Variants in GUCY1A2 observed in about 807,000 individuals in gnomAD.
GUCY1A2 encodes the protein guanylate cyclase 1 soluble subunit alpha 2.
GUCY1A2 carries 27 observed loss-of-function variants against 63.5 expected under a neutral mutation model. The observed-to-expected ratio is 0.43, with a 90% CI of 0.31 to 0.59. The LOEUF (loss-of-function observed/expected upper bound fraction) is 0.59. GUCY1A2 is among the 20% of genes least tolerant of loss of function. The pLI, the probability that GUCY1A2 is intolerant of heterozygous loss-of-function variation, is 0.11. For synonymous variants in GUCY1A2, 364 were observed against 343.5 expected (o/e 1.06, Z -0.66); for missense variants, 768 against 913.3 (o/e 0.84, Z 2.05).
intron 4 of GUCY1A2, among the ~76,000 whole-genome samples, chr11:106,894,865 A>G (rs1860024411): frequency 6.6e-6 from 1 of 152,124 alleles, no homozygotes; most frequent in African/African-American, 2.4e-5. Flanking sequence ...AGAAGAAAAA[A>G]TTAAATCCAA....
Position 107,003,286 on chromosome 11 carries a change from T to C in GUCY1A2, c.303+14467A>G, listed in dbSNP as rs146934759. Among the ~76,000 whole-genome samples, 142 of 152,286 alleles carry C rather than the reference T, an allele frequency of 9.3e-4. No homozygotes were observed. The Middle Eastern group carries it at 0.017, about 18-fold the overall frequency. On this transcript the variant is annotated intron_variant, in intron 1 of 7. Coordinates refer to ENST00000526355, the MANE Select transcript of GUCY1A2 (RefSeq NM_000855.3). The stretch of plus-strand genomic sequence containing the variant: ...AGGCCACTAGCAACCTCAATCATAC[T>C]GGATTTGAAAAGACCATCCTTAAAT...
intron 6 of GUCY1A2, among the ~76,000 whole-genome samples, chr11:106,771,955 C>G (rs528880944): frequency 6.6e-6 from 1 of 152,132 alleles, no homozygotes; most frequent in African/African-American, 2.4e-5. Flanking sequence ...TATAGATAGA[C>G]CATATTTATG....
intron 6 of GUCY1A2, among the ~76,000 whole-genome samples, chr11:106,748,214 G>C (rs1159765190): frequency 1.3e-5 from 2 of 152,126 alleles, no homozygotes; most frequent in African/African-American, 2.4e-5. Context: ...TATGATAATA[G>C]AGCTATCCTC....
At chr11:106,880,487 G>T (rs982297105) in intron 4 of GUCY1A2, among the ~76,000 whole-genome samples, 11 of 152,106 alleles carry the variant, frequency 7.2e-5, no homozygotes, top group African/African-American at 2.6e-4. Flanking sequence ...CTGGATCCAA[G>T]TTTCTCCTTT....
intron 4 of GUCY1A2, among the ~76,000 whole-genome samples, chr11:106,893,346 CA>C (rs1251797243): frequency 6.6e-6 from 1 of 151,384 alleles, no homozygotes; most frequent in Middle Eastern, 3.2e-3. Flanking sequence ...TCAAAATGTA[CA>C]AAATTTCATG....
chr11:106,857,887 A>G (rs1169137219), intron 4 of GUCY1A2, among the ~76,000 whole-genome samples: 2 of 152,234 alleles, frequency 1.3e-5, no homozygotes, highest in Non-Finnish European at 2.9e-5. Context: ...ATACCATTTT[A>G]TATCAGGAAC....
At chr11:106,864,258 C>T (rs7128457) in intron 4 of GUCY1A2, among the ~76,000 whole-genome samples, 134,918 of 151,892 alleles carry the variant, frequency 0.89, 60,010 homozygotes, top group East Asian at 1. Flanking sequence ...CTTGAATTCT[C>T]TCTACCCAGG....
At chr11:107,009,732 C>A (rs560648912) in intron 1 of GUCY1A2, among the ~76,000 whole-genome samples, 1 of 152,292 alleles carries the variant, frequency 6.6e-6, no homozygotes, top group Admixed American at 6.5e-5. Flanking sequence ...AATTCACCAC[C>A]TTTATCCCTA....
chr11:106,694,252 T>C (rs1302880471), intron 7 of GUCY1A2, among the ~76,000 whole-genome samples: 2 of 152,308 alleles, frequency 1.3e-5, no homozygotes, highest in Middle Eastern at 6.8e-3. Flanking sequence ...TATTTAATCC[T>C]CCCATATTTA....
intron 1 of GUCY1A2, among the ~76,000 whole-genome samples, chr11:106,991,717 T>A (rs1861472604): frequency 6.6e-6 from 1 of 152,230 alleles, no homozygotes; most frequent in African/African-American, 2.4e-5. Flanking sequence ...TAATGGCTTA[T>A]AATCAAATAT....
chr11:106,920,579 T>A (rs577958479), intron 4 of GUCY1A2, among the ~76,000 whole-genome samples: 15 of 152,104 alleles, frequency 9.9e-5, no homozygotes, highest in African/African-American at 2.4e-5. Flanking sequence ...TAAAAGAAAC[T>A]GAACCATGTT....
At chr11:106,976,022 G>C (rs536330643) in intron 3 of GUCY1A2, among the ~76,000 whole-genome samples, 1 of 152,250 alleles carries the variant, frequency 6.6e-6, no homozygotes, top group African/African-American at 2.4e-5. Flanking sequence ...TTGCTACTAT[G>C]ATCATATCTT....
chr11:106,731,559 AAAAAGGCATCC>A (rs560735984), intron 6 of GUCY1A2, among the ~76,000 whole-genome samples: 99 of 152,156 alleles, frequency 6.5e-4, no homozygotes, highest in Non-Finnish European at 1.8e-4. Flanking sequence ...GAGAAAGAAA[AAAAAGGCATCC>A]AAATAGGAAG....
intron 6 of GUCY1A2, among the ~76,000 whole-genome samples, chr11:106,744,964 T>A (rs899393945): frequency 2.0e-5 from 3 of 152,158 alleles, no homozygotes; most frequent in South Asian, 2.1e-4. Context: ...TTAAAAAAAA[T>A]CTTGTGAGTG....
rs940779074 is a variant in GUCY1A2, at chr11:106,677,662, A to C, written c.*9887T>G. 10 of 207,392 alleles carry C rather than the reference A, an allele frequency of 4.8e-5. No homozygotes were observed. The highest frequency in any genetic ancestry group is 9.8e-5 in the Non-Finnish European group (10 of 101,614). 12.8% of individuals were successfully genotyped at this position (207,392 alleles called of 1,614,324 possible). A position where few individuals can be genotyped will look rare whatever the true frequency, so the allele number is the denominator to read the frequency against. On this transcript the variant is annotated 3_prime_UTR_variant, in exon 8 of 8. Transcript: ENST00000526355. ...TTTTTATGACATTCTGTTAAATATA[A>C]ATACTGTGTTTAAAAATCTATTTAT...
chr11:107,017,762 C>A lies in GUCY1A2; in HGVS notation c.294G>T (p.Thr98=), dbSNP rs542771467. The change falls in exon 1 of 8, where the codon ACG becomes ACT. Residue 98 remains threonine (T), a synonymous_variant. Transcript: ENST00000526355. The part of the protein sequence containing the change: ...DSLGESISRL[T]APSPQTIQQT... ...TCCGCCCCCCGCTCACCGAGGGCGC[C>A]GTCAGGCGGCTGATGCTCTCGCCCA... 7.1e-7 allele frequency: 1 copy of A among 1,414,190 alleles called. No individual in the cohort carries two copies. The highest frequency in any genetic ancestry group is 1.5e-5 in the South Asian group (1 of 64,654). The allele number at this position is 1,414,190 out of a possible 1,614,324, so 87.6% of individuals were successfully genotyped here.
rs1395960114 is a variant in GUCY1A2 at position 106,685,171 on chromosome 11, TAAG to T, written c.*2375_*2377del. The stretch of plus-strand genomic sequence containing the variant: ...TAGTTGACATCCTGTCAGTGATAAA[TAAG>T]AAATCTCTGGCACGTTCTTCATCGT... On this transcript the variant is annotated 3_prime_UTR_variant, in exon 8 of 8. Transcript: ENST00000526355. 1 of 205,180 alleles carries T rather than the reference TAAG, an allele frequency of 4.9e-6. No homozygotes were observed. Among genetic ancestry groups the T allele is most frequent in the Non-Finnish European group, 1.0e-5 (1 of 100,298 alleles). 12.7% of individuals were successfully genotyped at this position (205,180 alleles called of 1,614,324 possible). A position where few individuals can be genotyped will look rare whatever the true frequency, so the allele number is the denominator to read the frequency against.
intron 4 of GUCY1A2, among the ~76,000 whole-genome samples, chr11:106,926,338 T>C (rs1398431580): frequency 2.0e-5 from 3 of 151,274 alleles, no homozygotes; most frequent in Non-Finnish European, 4.4e-5. Flanking sequence ...CCCGGGAGGC[T>C]GAGGCACGAG....
intron 5 of GUCY1A2, among the ~76,000 whole-genome samples, chr11:106,791,681 G>C (rs1375859629): frequency 6.6e-6 from 1 of 152,004 alleles, no homozygotes; most frequent in Non-Finnish European, 1.5e-5. Flanking sequence ...AATAAATATA[G>C]ATTTAAAAAA....
Sources: allele counts gnomAD v4.1 joint callset (sites outside exome capture counted in the v4.1 genomes callset), GRCh38; gene constraint gnomAD v4.1.1; transcripts MANE v1.5; gene names NCBI Gene and HGNC (gene_info 2026-07-23, HGNC 2026-07-21).